The following REPS1 variants were observed in gnomAD, a reference collection of about 807,000 sequenced individuals.
REPS1 encodes RALBP1 associated Eps domain containing 1.
REPS1 carries 39 observed loss-of-function variants against 100.9 expected under a neutral mutation model. The ratio of observed to expected loss-of-function variants is 0.39; its 90% CI spans 0.30 to 0.50. The LOEUF (loss-of-function observed/expected upper bound fraction) is 0.50, where lower values mean the gene tolerates loss of function less well. REPS1 is among the 20% of genes least tolerant of loss of function. The pLI is 0.86. For missense variants in REPS1, 821 were observed against 968.5 expected (o/e 0.85, Z 2.02); for synonymous variants, 324 against 340.3 (o/e 0.95, Z 0.53).
intron 8 of REPS1, among the ~76,000 whole-genome samples, chr6:138,934,701 A>G (rs1781694418): frequency 6.6e-6 from 1 of 152,202 alleles, no homozygotes; most frequent in Admixed American, 6.5e-5. Flanking sequence ...GCTGTTATTA[A>G]TCTTACAGAA....
At position 138,930,060 on chromosome 6, in the gene REPS1, A is replaced by G. The variant is rs1781393520; in HGVS notation, c.1174T>C (p.Ser392Pro). ...DQPGEVGYSG[S>P]PAEAPPSKSP... Reference sequence around the variant, plus strand: ...TTGCTTGGAGGAGCTTCAGCAGGAGAGCCTGAATAACCTACCTCACCTGGC... The same window carrying G: ...TTGCTTGGAGGAGCTTCAGCAGGAGGGCCTGAATAACCTACCTCACCTGGC... The change falls in exon 9 of 20, where the codon TCT (serine) becomes CCT (proline). Residue 392 changes from serine to proline, a missense_variant. Coordinates refer to ENST00000450536, the MANE Select transcript of REPS1 (RefSeq NM_001286611.2). 1 of 1,613,428 alleles carries G rather than the reference A, an allele frequency of 6.2e-7. No homozygotes were observed. The highest frequency in any genetic ancestry group is 1.3e-5 in the African/African-American group (1 of 74,892).
chr6:138,955,987 T>C (rs1014282051), intron 1 of REPS1, among the ~76,000 whole-genome samples: 10 of 152,158 alleles, frequency 6.6e-5, no homozygotes, highest in Admixed American at 5.9e-4. Context: ...CTTTATATAG[T>C]TAGAGACTTC....
At chr6:138,946,899 C>T (rs1782649309) in intron 2 of REPS1, among the ~76,000 whole-genome samples, 1 of 152,178 alleles carries the variant, frequency 6.6e-6, no homozygotes, top group African/African-American at 2.4e-5. Context: ...TGTTCCCACC[C>T]AAATCTCATC....
intron 1 of REPS1, among the ~76,000 whole-genome samples, chr6:138,964,674 G>C (rs2128494965): frequency 6.6e-6 from 1 of 151,670 alleles, no homozygotes; most frequent in Non-Finnish European, 1.5e-5. Context: ...TACGAGATAA[G>C]AATTTCCTTT....
chr6:138,966,650 G>C (rs907486797), intron 1 of REPS1, among the ~76,000 whole-genome samples: 1 of 152,124 alleles, frequency 6.6e-6, no homozygotes, highest in Non-Finnish European at 1.5e-5. Flanking sequence ...TATTTGCCCA[G>C]TAGTACATTC....
intron 1 of REPS1, among the ~76,000 whole-genome samples, 184 bp downstream of exon 1, chr6:138,987,345 AC>A (rs934630202): frequency 1.3e-5 from 2 of 148,376 alleles, no homozygotes; most frequent in African/African-American, 5.0e-5. Flanking sequence ...TCTAAGGGCA[AC>A]CCCCTCCCCC....
intron 8 of REPS1, among the ~76,000 whole-genome samples, chr6:138,938,854 T>C (rs1403331114): frequency 6.6e-6 from 1 of 151,766 alleles, no homozygotes; most frequent in African/African-American, 2.4e-5. Flanking sequence ...TTTATAATTT[T>C]TTTTTTTTTT....
intron 7 of REPS1, among the ~76,000 whole-genome samples, chr6:138,941,863 T>A (rs886319100): frequency 7.9e-5 from 12 of 152,196 alleles, no homozygotes; most frequent in Admixed American, 7.9e-4. Context: ...AAATTCACCA[T>A]GTATGTACTT....
chr6:138,952,500 A>G (rs2128484501), intron 1 of REPS1, among the ~76,000 whole-genome samples: 1 of 152,112 alleles, frequency 6.6e-6, no homozygotes, highest in East Asian at 1.9e-4. Flanking sequence ...CCTGGGTACA[A>G]GCGATTCTCC....
chr6:138,955,689 A>C (rs1205641346), intron 1 of REPS1, among the ~76,000 whole-genome samples: 13 of 152,086 alleles, frequency 8.5e-5, no homozygotes. Flanking sequence ...TTTACCAAAA[A>C]GCCACTAACT....
At chr6:138,937,041 T>C (rs1582774842) in intron 8 of REPS1, among the ~76,000 whole-genome samples, 1 of 152,094 alleles carries the variant, frequency 6.6e-6, no homozygotes, top group South Asian at 2.1e-4. Flanking sequence ...ACAATCATGG[T>C]GGAAGGCAAG....
rs1399471292 is a variant in REPS1, at chr6:138,904,520, T to A, written c.*544A>T. On this transcript the variant is annotated 3_prime_UTR_variant, in exon 20 of 20. Coordinates refer to ENST00000450536, the MANE Select transcript of REPS1 (RefSeq NM_001286611.2). ...TGTTTGTATTTGTCACAAGTTGACA[T>A]GTAAAAGAGGCTTCAATGTACCACA... 2 of 152,240 alleles carry A rather than the reference T, an allele frequency of 1.3e-5. No homozygotes were observed. The highest frequency in any genetic ancestry group is 4.8e-5 in the African/African-American group (2 of 41,466). The allele number at this position is 152,240 out of a possible 1,614,324, so 9.4% of individuals were successfully genotyped here.
intron 8 of REPS1, among the ~76,000 whole-genome samples, chr6:138,938,181 T>C (rs1781983218): frequency 6.6e-6 from 1 of 152,224 alleles, no homozygotes; most frequent in Non-Finnish European, 1.5e-5. Flanking sequence ...TTAAATATTC[T>C]AATTCAGGTC....
chr6:138,918,050 C>T (rs73561605), intron 12 of REPS1, among the ~76,000 whole-genome samples: 121 of 151,578 alleles, frequency 8.0e-4, no homozygotes, highest in African/African-American at 2.8e-3. Context: ...GCAGCATGAC[C>T]GTTTTTTTAA....
intron 19 of REPS1, 182 bp downstream of exon 19, chr6:138,907,313 A>AAATGTGTGTGTGTGTGT: frequency 7.5e-6 from 1 of 132,592 alleles, no homozygotes; most frequent in Non-Finnish European, 1.5e-5. Flanking sequence ...AAAAAAAAAA[A>AAATGTGTGTGTGTGTGT]GTGTGTGTGT....
At chr6:138,921,523 G>A (rs1031257555) in intron 10 of REPS1, among the ~76,000 whole-genome samples, 4 of 143,770 alleles carry the variant, frequency 2.8e-5, no homozygotes, top group Non-Finnish European at 6.0e-5. Context: ...CATAGCCCAT[G>A]ACTTATAGTC....
rs1045414347 is a variant in REPS1 at position 138,903,872 on chromosome 6, A to G, written c.*1192T>C. 6.6e-6 allele frequency: 1 copy of G among 152,202 alleles called. No homozygotes were observed. The highest frequency in any genetic ancestry group is 1.5e-5 in the Non-Finnish European group (1 of 68,024). The allele number at this position is 152,202 out of a possible 1,614,324, so 9.4% of individuals were successfully genotyped here. On this transcript the variant is annotated 3_prime_UTR_variant, in exon 20 of 20. Coordinates refer to ENST00000450536, the MANE Select transcript of REPS1 (RefSeq NM_001286611.2). ...GTTGTCAGTTTCCCTTGTTCTTCAA[A>G]TTCTTGTTTACAGTAACAAAGTCTA...
At chr6:138,965,352 A>G (rs1033839875) in intron 1 of REPS1, among the ~76,000 whole-genome samples, 10 of 152,028 alleles carry the variant, frequency 6.6e-5, no homozygotes, top group East Asian at 1.9e-4. Flanking sequence ...CAACAACAAC[A>G]ACGACAAAAA....
At chr6:138,984,064 ATCTCTC>A (rs1194338189) in intron 1 of REPS1, among the ~76,000 whole-genome samples, 3 of 141,854 alleles carry the variant, frequency 2.1e-5, no homozygotes, top group African/African-American at 7.9e-5. Context: ...AATCTCTACC[ATCTCTC>A]TCTCTCTCTT....
Sources: allele counts gnomAD v4.1 joint callset (sites outside exome capture counted in the v4.1 genomes callset), GRCh38; gene constraint gnomAD v4.1.1; transcripts MANE v1.5; gene names NCBI Gene and HGNC (gene_info 2026-07-23, HGNC 2026-07-21).